The following NDUFA9 variants were observed in gnomAD, a reference collection of about 807,000 sequenced individuals.
The protein encoded by NDUFA9 is NADH:ubiquinone oxidoreductase subunit A9.
A neutral mutation model predicts 45.9 loss-of-function variants in NDUFA9; 23 were observed. That is an observed-to-expected ratio of 0.50 (90% CI 0.36 to 0.71). NDUFA9 has a LOEUF of 0.71. Among genes scored for constraint, NDUFA9 ranks in the 30% least tolerant of loss-of-function variants. The probability of loss-of-function intolerance (pLI) is 0.00; values close to 1 mark genes in which losing one functional copy is unlikely to be tolerated. For missense variants in NDUFA9, 466 were observed against 488.2 expected (o/e 0.95, Z 0.43); for synonymous variants, 176 against 170.5 (o/e 1.03, Z -0.25).
chr12:4,684,733 T>C (rs1396498220), intron 9 of NDUFA9, among the ~76,000 whole-genome samples: 1 of 151,982 alleles, frequency 6.6e-6, no homozygotes, highest in East Asian at 1.9e-4. Flanking sequence ...TGAAGATAGG[T>C]GGCCTTTTCC....
At chr12:4,679,862 AAG>A (rs1470061864) in intron 8 of NDUFA9, among the ~76,000 whole-genome samples, 13 of 152,238 alleles carry the variant, frequency 8.5e-5, no homozygotes, top group African/African-American at 2.4e-4. Context: ...TGGTCCAGGA[AAG>A]AGATGTCACT....
rs2137486012 is a variant in NDUFA9, at chr12:4,682,295, C to T, written c.891C>T (p.Ala297=). The T allele has an allele frequency of 1.9e-6, 3 of 1,608,982 alleles. No individual in the cohort carries two copies. The highest frequency in any genetic ancestry group is 2.6e-6 in the Non-Finnish European group (3 of 1,175,730). The change falls in exon 9 of 11, where the codon GCC becomes GCT. Residue 297 remains alanine, a synonymous_variant. Transcript: ENST00000266544. ...LFLPFPLPLF[A]YRWVARVFEI... ...TCCCATTCCCCTTGCCGCTTTTTGCCTATCGGTAAGTAGAGTGCTCCTTTT... is the reference window on the plus strand; with the variant it reads ...TCCCATTCCCCTTGCCGCTTTTTGCTTATCGGTAAGTAGAGTGCTCCTTTT...
chr12:4,685,166 C>T (rs1366779595), intron 9 of NDUFA9, 93 bp from the exon 10 acceptor site: 8 of 1,081,206 alleles, frequency 7.4e-6, no homozygotes, highest in South Asian at 2.5e-5. Flanking sequence ...GACTGCTCTA[C>T]AGCGGTCTGT....
At chr12:4,675,356 C>CA (rs1180788137) in intron 8 of NDUFA9, among the ~76,000 whole-genome samples, 2 of 151,806 alleles carry the variant, frequency 1.3e-5, no homozygotes, top group African/African-American at 2.4e-5. Flanking sequence ...AAAAACCCTT[C>CA]AAAAAATCAA....
chr12:4,665,552 C>T (rs562259114), intron 6 of NDUFA9, among the ~76,000 whole-genome samples: 138 of 152,206 alleles, frequency 9.1e-4, no homozygotes, highest in African/African-American at 3.0e-3. Context: ...CATGGATGTA[C>T]GAAATATCCC....
intron 3 of NDUFA9, chr12:4,657,494 C>A: frequency 2.7e-6 from 1 of 367,036 alleles, no homozygotes; most frequent in Admixed American, 4.4e-5. Context: ...AAATCAATAG[C>A]CTCCTTTTTA....
At chr12:4,678,210 C>A (rs1945931834) in intron 8 of NDUFA9, among the ~76,000 whole-genome samples, 1 of 152,014 alleles carries the variant, frequency 6.6e-6, no homozygotes, top group South Asian at 2.1e-4. Context: ...TGCAGCAAAC[C>A]ACCATGGCAC....
intron 4 of NDUFA9, among the ~76,000 whole-genome samples, chr12:4,658,065 T>G (rs1448029904): frequency 6.6e-6 from 1 of 152,154 alleles, no homozygotes; most frequent in African/African-American, 2.4e-5. Context: ...AAAAAGCCAG[T>G]AGGTGGTATT....
chr12:4,692,475 A>G lies in NDUFA9; in HGVS notation c.*5367A>G, dbSNP rs1392694586. 2.6e-5 allele frequency: 4 copies of G among 152,224 alleles called. No individual in the cohort carries two copies. Among genetic ancestry groups the G allele is most frequent in the African/African-American group, 9.7e-5 (4 of 41,440 alleles). The allele number at this position is 152,224 out of a possible 1,614,324, so 9.4% of individuals were successfully genotyped here. On this transcript the variant is annotated 3_prime_UTR_variant, in exon 11 of 11. Coordinates refer to ENST00000266544, the MANE Select transcript of NDUFA9 (RefSeq NM_005002.5). Reference sequence around the variant, plus strand: ...CGCTTCCTGTACAGCCTGCAGAACCATGAGCCAATTAAACCTCTTTTCTTT... The same window carrying G: ...CGCTTCCTGTACAGCCTGCAGAACCGTGAGCCAATTAAACCTCTTTTCTTT...
At chr12:4,670,241 G>T (rs1391799701) in intron 8 of NDUFA9, among the ~76,000 whole-genome samples, 1 of 152,218 alleles carries the variant, frequency 6.6e-6, no homozygotes, top group Non-Finnish European at 1.5e-5. Flanking sequence ...TACTAGTGCT[G>T]TGCGAGATTG....
intron 4 of NDUFA9, 79 bp from the exon 5 acceptor site, chr12:4,658,957 G>A: frequency 7.1e-7 from 1 of 1,403,106 alleles, no homozygotes; most frequent in Non-Finnish European, 9.8e-7. Context: ...GTACTGTTAT[G>A]AAAACCATCT....
At chr12:4,684,180 AT>A (rs1044289617) in intron 9 of NDUFA9, among the ~76,000 whole-genome samples, 11 of 152,044 alleles carry the variant, frequency 7.2e-5, no homozygotes, top group African/African-American at 2.7e-4. Flanking sequence ...CCAATAAATT[AT>A]TTTTTTCTGC....
At chr12:4,670,890 A>G (rs959976481) in intron 8 of NDUFA9, among the ~76,000 whole-genome samples, 1 of 152,242 alleles carries the variant, frequency 6.6e-6, no homozygotes, top group Non-Finnish European at 1.5e-5. Context: ...ATGAGCGGAA[A>G]TGGCTTTGTG....
rs1196585152 is a variant in NDUFA9 at position 4,686,962 on chromosome 12, C to A, written c.988C>A (p.Pro330Thr). Residue 330 changes from proline to threonine, a missense_variant, in exon 11 of 11, where the codon CCT becomes ACT. Physicochemically the swap from Pro to Thr is conservative, Grantham distance 38. Transcript: ENST00000266544. ...GATGCACATCACAGACATGAAATTGCCTCACCTGCCTGGCTTAGAAGACCT... is the reference window on the plus strand; with the variant it reads ...GATGCACATCACAGACATGAAATTGACTCACCTGCCTGGCTTAGAAGACCT... ...ERMHITDMKL[P>T]HLPGLEDLGI... 6 of 1,613,948 alleles carry A rather than the reference C, an allele frequency of 3.7e-6. No homozygotes were observed. The African/African-American group carries it at 8.0e-5, about 22-fold the overall frequency.
chr12:4,654,352 A>G lies in NDUFA9; in HGVS notation c.110A>G (p.His37Arg). ...CACGGCCCACCCTGTCGCCAGCTTC[A>G]TCATGCCCTCATGCCTCATGGGAAA... ...VCHGPPCRQLHHALMPHGKGG... is the reference protein window; with the variant it reads ...VCHGPPCRQLRHALMPHGKGG... The change falls in exon 2 of 11, where the codon CAT (histidine) becomes CGT (arginine). Residue 37 changes from histidine (H) to arginine (R), a missense_variant. Transcript: ENST00000266544. 1 of 1,614,180 alleles carries G rather than the reference A, an allele frequency of 6.2e-7. No homozygotes were observed. Among genetic ancestry groups the G allele is most frequent in the Non-Finnish European group, 8.5e-7 (1 of 1,180,008 alleles).
chr12:4,686,897 C>T (rs775108684), intron 10 of NDUFA9, 41 bp from the exon 11 acceptor site: 21 of 1,591,156 alleles, frequency 1.3e-5, no homozygotes, highest in Non-Finnish European at 1.6e-5. Flanking sequence ...TTGTTCTCAG[C>T]CAGTTTTCAG....
rs1331155872 is a variant in NDUFA9 at position 4,690,231 on chromosome 12, TATC to T, written c.*3126_*3128del. On this transcript the variant is annotated 3_prime_UTR_variant, in exon 11 of 11. Coordinates refer to ENST00000266544, the MANE Select transcript of NDUFA9 (RefSeq NM_005002.5). The stretch of plus-strand genomic sequence containing the variant: ...CTGCAAGACTGTAAACCCATCCCAT[TATC>T]ATGTTTTCTTCCTCATTTACCTACA... 2 of 152,244 alleles carry T rather than the reference TATC, an allele frequency of 1.3e-5. No homozygotes were observed. The highest frequency in any genetic ancestry group is 2.4e-5 in the African/African-American group (1 of 41,466). 9.4% of individuals were successfully genotyped at this position (152,244 alleles called of 1,614,324 possible).
At chr12:4,682,558 C>A (rs566984718) in intron 9 of NDUFA9, among the ~76,000 whole-genome samples, 185 of 152,350 alleles carry the variant, frequency 1.2e-3, no homozygotes, top group Non-Finnish European at 2.0e-3. Flanking sequence ...TTCACTTTCT[C>A]CAATTTAAAA....
chr12:4,663,612 A>G (rs1945836504), intron 6 of NDUFA9, among the ~76,000 whole-genome samples: 2 of 152,248 alleles, frequency 1.3e-5, no homozygotes, highest in Admixed American at 1.3e-4. Flanking sequence ...AGCCCTTATC[A>G]GGAACCAAAC....
Sources: allele counts gnomAD v4.1 joint callset (sites outside exome capture counted in the v4.1 genomes callset), GRCh38; gene constraint gnomAD v4.1.1; transcripts MANE v1.5; gene names NCBI Gene and HGNC (gene_info 2026-07-23, HGNC 2026-07-21).